The following HSDL1 variants were observed in gnomAD, a reference collection of about 807,000 sequenced individuals.
HSDL1 encodes inactive hydroxysteroid dehydrogenase-like protein 1.
Under a neutral mutation model 31.5 loss-of-function variants are expected in HSDL1, and 29 were observed. The ratio of observed to expected loss-of-function variants is 0.92; its 90% CI spans 0.69 to 1.26. HSDL1 has a LOEUF of 1.26. Among genes scored for constraint, HSDL1 ranks in the 50% most tolerant of loss-of-function variants. The pLI, the probability that HSDL1 is intolerant of heterozygous loss-of-function variation, is 0.00. For missense variants in HSDL1, 503 were observed against 416.6 expected, an observed-to-expected ratio of 1.21 and a Z score of -1.81; for synonymous variants, 222 against 155.2, an observed-to-expected ratio of 1.43 and a Z score of -3.20.
intron 1 of HSDL1, among the ~76,000 whole-genome samples, chr16:84,142,097 T>A (rs2086774279): frequency 6.6e-6 from 1 of 152,130 alleles, no homozygotes; most frequent in Admixed American, 6.5e-5. Flanking sequence ...CAGTTAAATT[T>A]TTTTTGTGTG....
At chr16:84,142,564 T>A (rs1567525772) in intron 1 of HSDL1, among the ~76,000 whole-genome samples, 1 of 150,998 alleles carries the variant, frequency 6.6e-6, no homozygotes, top group Admixed American at 6.7e-5. Context: ...GCCTCCCAAG[T>A]AACTGGGACT....
At chr16:84,144,348 G>A (rs2086813499) in intron 1 of HSDL1, 1 of 152,222 alleles carries the variant, frequency 6.6e-6, no homozygotes, top group African/African-American at 2.4e-5. Flanking sequence ...AGCCCACTGT[G>A]AGACCCCCCG....
chr16:84,126,736 C>A (rs1340481757), intron 5 of HSDL1, among the ~76,000 whole-genome samples: 2 of 151,118 alleles, frequency 1.3e-5, no homozygotes, highest in Non-Finnish European at 3.0e-5. Flanking sequence ...ACACCCACAC[C>A]CACACACACA....
At chr16:84,129,164 T>C (rs185518363) in intron 5 of HSDL1, among the ~76,000 whole-genome samples, 2 of 152,134 alleles carry the variant, frequency 1.3e-5, no homozygotes, top group Admixed American at 1.3e-4. Context: ...AGGCAGATCA[T>C]GAGGCCGGAG....
chr16:84,139,557 G>C (rs935214686), intron 1 of HSDL1, among the ~76,000 whole-genome samples: 3 of 152,164 alleles, frequency 2.0e-5, no homozygotes, highest in Non-Finnish European at 2.9e-5. Context: ...AATGACTTCA[G>C]ATTCCCATCT....
chr16:84,130,710 C>G (rs1162902462), intron 3 of HSDL1, among the ~76,000 whole-genome samples: 3 of 152,210 alleles, frequency 2.0e-5, no homozygotes, highest in Admixed American at 2.0e-4. Context: ...AAACTACTAT[C>G]TGGCTTGAAT....
intron 5 of HSDL1, among the ~76,000 whole-genome samples, chr16:84,128,701 C>A (rs1024381676): frequency 6.6e-6 from 1 of 151,564 alleles, no homozygotes; most frequent in Non-Finnish European, 1.5e-5. Context: ...CCACTTACAG[C>A]AGCATATTTC....
intron 1 of HSDL1, among the ~76,000 whole-genome samples, chr16:84,138,279 T>G (rs996773725): frequency 6.6e-6 from 1 of 152,330 alleles, no homozygotes; most frequent in Non-Finnish European, 1.5e-5. Context: ...AAAGCTTTAT[T>G]TTCTTAAACA....
In HSDL1 at chr16:84,130,376, G is replaced by A. The variant is rs141648024; in HGVS notation, c.276C>T (p.Leu92=). 6.2e-7 allele frequency: 1 copy of A among 1,613,912 alleles called. No individual in the cohort carries two copies. The highest frequency in any genetic ancestry group is 8.5e-7 in the Non-Finnish European group (1 of 1,180,028). ...CGTTCCGACTAATCAGGATTATATT[G>A]AGACCTCGGCTTGCTAACTCTTCAG... ...AYAEELASRG[L]NIILISRNEE... The change falls in exon 4 of 6, where the codon CTC becomes CTT. Residue 92 remains leucine (L), a synonymous_variant. Coordinates refer to ENST00000219439, the MANE Select transcript of HSDL1 (RefSeq NM_031463.5).
intron 1 of HSDL1, among the ~76,000 whole-genome samples, chr16:84,140,421 T>C (rs951708063): frequency 1.3e-5 from 2 of 152,024 alleles, no homozygotes; most frequent in Admixed American, 1.3e-4. Flanking sequence ...CCCTCCACCA[T>C]GCCCAGCTAA....
intron 5 of HSDL1, among the ~76,000 whole-genome samples, chr16:84,126,824 G>C (rs554488856): frequency 2.0e-5 from 3 of 152,162 alleles, no homozygotes; most frequent in African/African-American, 7.2e-5. Context: ...AACAGCAAAG[G>C]ATGAATCAAA....
chr16:84,124,829 A>G (rs1300193747), intron 5 of HSDL1, 101 bp from the exon 6 acceptor site: 5 of 702,136 alleles, frequency 7.1e-6, no homozygotes, highest in Non-Finnish European at 1.3e-5. Flanking sequence ...ATCACAACAA[A>G]TACCCACCAA....
At chr16:84,130,504 CCT>C (rs376082000) in intron 3 of HSDL1, 73 bp from the exon 4 acceptor site, 512 of 1,281,510 alleles carry the variant, frequency 4.0e-4, no homozygotes, top group African/African-American at 1.6e-3. Flanking sequence ...CAAAGTACCC[CCT>C]GTCAGGTTTA....
At chr16:84,143,542 G>GT (rs1204228538) in intron 1 of HSDL1, among the ~76,000 whole-genome samples, 9 of 152,150 alleles carry the variant, frequency 5.9e-5, no homozygotes, top group Admixed American at 5.9e-4. Context: ...GCATAGCATT[G>GT]TGACTATAGC....
chr16:84,134,777 T>C (rs1420040620), intron 2 of HSDL1, among the ~76,000 whole-genome samples: 2 of 152,162 alleles, frequency 1.3e-5, no homozygotes, highest in South Asian at 2.1e-4. Flanking sequence ...ATTACCTGTA[T>C]GTAATTACCT....
intron 1 of HSDL1, among the ~76,000 whole-genome samples, chr16:84,142,936 T>C (rs548463082): frequency 2.6e-5 from 4 of 152,236 alleles, no homozygotes; most frequent in Non-Finnish European, 5.9e-5. Flanking sequence ...TTACCTTCAC[T>C]GCCAATTTTT....
At chr16:84,130,471 C>T (rs767681966) in intron 3 of HSDL1, 40 bp from the exon 4 acceptor site, 21 of 1,524,512 alleles carry the variant, frequency 1.4e-5, no homozygotes, top group Admixed American at 1.9e-5. Flanking sequence ...GTGTATTTCA[C>T]GGTGTGACCC....
intron 5 of HSDL1, among the ~76,000 whole-genome samples, chr16:84,128,977 G>A (rs1205361074): frequency 6.6e-6 from 1 of 151,926 alleles, no homozygotes; most frequent in African/African-American, 2.4e-5. Flanking sequence ...CAAAGTGCTG[G>A]GATTACAGAT....
At chr16:84,129,433 G>C in intron 5 of HSDL1, 115 bp downstream of exon 5, 5 of 785,684 alleles carry the variant, frequency 6.4e-6, no homozygotes, top group Middle Eastern at 2.4e-4. Flanking sequence ...TAAGTGTCAG[G>C]CTTAAGAGTC....
Sources: allele counts gnomAD v4.1 joint callset (sites outside exome capture counted in the v4.1 genomes callset), GRCh38; gene constraint gnomAD v4.1.1; transcripts MANE v1.5; gene names NCBI Gene and HGNC (gene_info 2026-07-23, HGNC 2026-07-21).